PLCG1: variants seen among roughly 807,000 people sequenced by gnomAD.
The protein encoded by PLCG1 is 1-phosphatidylinositol 4,5-bisphosphate phosphodiesterase gamma-1.
In PLCG1, 71 loss-of-function variants were observed where a neutral mutation model predicts 177.8. That is an observed-to-expected ratio of 0.40 (90% confidence interval 0.33 to 0.49). PLCG1 has a LOEUF of 0.49. Among genes scored for constraint, PLCG1 ranks in the 20% least tolerant of loss-of-function variants. PLCG1 has a pLI of 0.72. For missense variants in PLCG1, 1,281 were observed against 1,709.0 expected, an observed-to-expected ratio of 0.75 and a Z score of 4.42; for synonymous variants, 658 against 647.9, an observed-to-expected ratio of 1.02 and a Z score of -0.24.
rs201989628 is a variant in PLCG1, at chr20:41,160,174, G to A, written c.512+21G>A. On this transcript the variant is annotated intron_variant, in intron 4 of 31. Transcript: ENST00000685551. The surrounding 1 kb of genome is among the most constrained non-coding windows in gnomAD (Gnocchi z 5.5). ...GATCGGTAAGTACTGAGCTGTGGCT[G>A]TAGCCCAGCAGGGTGGGGATGGGCA... The A allele has an allele frequency of 3.1e-6, 5 of 1,610,600 alleles. No individual in the cohort carries two copies. The highest frequency in any genetic ancestry group is 4.2e-6 in the Non-Finnish European group (5 of 1,176,994).
intron 6 of PLCG1, 97 bp from the exon 7 acceptor site, chr20:41,162,861 C>T (rs1475760185): frequency 7.4e-7 from 1 of 1,353,416 alleles, no homozygotes; most frequent in Non-Finnish European, 1.1e-6. Context: ...CCTCTTGAGG[C>T]CTGCCCCCAT....
rs1170749060 is a variant in PLCG1 at position 41,176,020 on chromosome 20, C to T, written c.*1511C>T. The T allele has an allele frequency of 6.6e-6, 1 of 152,200 alleles. No homozygotes were observed. The highest frequency in any genetic ancestry group is 1.5e-5 in the Non-Finnish European group (1 of 68,060). 9.4% of individuals were successfully genotyped at this position (152,200 alleles called of 1,614,324 possible). On this transcript the variant is annotated 3_prime_UTR_variant, in exon 32 of 32. Coordinates refer to ENST00000685551, the MANE Select transcript of PLCG1 (RefSeq NM_002660.3). ...CAACCAGAGCCCCTTTCCAGTTCCA[C>T]AGAAACCTCTCCTTTCAAAAATGTT...
At position 41,156,300 on chromosome 20, in the gene PLCG1, C is replaced by T. The variant is rs2035319192; in HGVS notation, c.218-3306C>T. Among the ~76,000 whole-genome samples, 1 of 152,134 alleles carries T rather than the reference C, an allele frequency of 6.6e-6. No homozygotes were observed. On this transcript the variant is annotated intron_variant, in intron 1 of 31. Transcript: ENST00000685551. This position sits in a 1 kb window ranked among gnomAD's most constrained non-coding sequence, Gnocchi z 5.0. ...GGTAATGCCCAGGCCATTCCTGAAG[C>T]CCAGGCAGCATTCACTGTGGGCTTG...
At position 41,172,668 on chromosome 20, in the gene PLCG1, G is replaced by A. The variant is rs1307497095; in HGVS notation, c.3130+23G>A. On this transcript the variant is annotated intron_variant, in intron 26 of 31. Coordinates refer to ENST00000685551, the MANE Select transcript of PLCG1 (RefSeq NM_002660.3). The surrounding 1 kb of genome is among the most constrained non-coding windows in gnomAD (Gnocchi z 7.0). Reference sequence around the variant, plus strand: ...CTGGTGAGGAAGTCCCCTGTGAGGAGGGTGAGGAGGGGCACTGTGGGGCAG... The same window carrying A: ...CTGGTGAGGAAGTCCCCTGTGAGGAAGGTGAGGAGGGGCACTGTGGGGCAG... The A allele has an allele frequency of 6.2e-7, 1 of 1,612,958 alleles. No homozygotes were observed. Among genetic ancestry groups the A allele is most frequent in the Non-Finnish European group, 8.5e-7 (1 of 1,179,132 alleles).
chr20:41,174,203 A>T lies in PLCG1; in HGVS notation c.3725A>T (p.His1242Leu). ...TCAGATGCCTCAGGCCAGCTGTTTC[A>T]TGGCCGAGCCCGGGAAGGCTCCTTT... ...RGSDASGQLF[H>L]GRAREGSFES... Residue 1242 changes from histidine (H) to leucine (L), a missense_variant, in exon 31 of 32, where the codon CAT (histidine) becomes CTT (leucine). Transcript: ENST00000685551. This position sits in a 1 kb window ranked among gnomAD's most constrained non-coding sequence, Gnocchi z 5.8. 1 of 1,614,124 alleles carries T rather than the reference A, an allele frequency of 6.2e-7. No individual in the cohort carries two copies. Among genetic ancestry groups the T allele is most frequent in the Non-Finnish European group, 8.5e-7 (1 of 1,180,004 alleles).
rs2146025294 is a variant in PLCG1 at position 41,156,511 on chromosome 20, A to G, written c.218-3095A>G. Among the ~76,000 whole-genome samples the G allele has an allele frequency of 6.6e-6, 1 of 152,216 alleles. No homozygotes were observed. Among genetic ancestry groups the G allele is most frequent in the South Asian group, 2.1e-4 (1 of 4,830 alleles). On this transcript the variant is annotated intron_variant, in intron 1 of 31. Coordinates refer to ENST00000685551, the MANE Select transcript of PLCG1 (RefSeq NM_002660.3). This position sits in a 1 kb window ranked among gnomAD's most constrained non-coding sequence, Gnocchi z 5.0. ...CTATACATCAGGCTTCTGGGCTGCT[A>G]CTTGTGGGATCCTGCCCTTGTTCTC...
At position 41,170,138 on chromosome 20, in the gene PLCG1, C is replaced by T. The variant is rs2035845945; in HGVS notation, c.2677C>T (p.Arg893Trp). The T allele has an allele frequency of 4.3e-6, 7 of 1,613,386 alleles. No individual in the cohort carries two copies. The highest frequency in any genetic ancestry group is 2.2e-5 in the East Asian group (1 of 44,894). ...CATCCGTCCTGAGGGCAAGAACAAC[C>T]GGCTCTTCGTCTTCTCCATCAGCAT... is the stretch of plus-strand genomic sequence containing the variant. ...IAIRPEGKNN[R>W]LFVFSISMAS... is the part of the protein sequence containing the mutation. The change falls in exon 24 of 32, where the codon CGG becomes TGG. Residue 893 changes from arginine (R) to tryptophan (W), a missense_variant. Arg to Trp is a moderately radical substitution (Grantham distance 101). Around this residue, in one of 4 missense-constraint regions of PLCG1, gnomAD observed 723 missense variants for 1,030.0 expected, o/e 0.70. Transcript: ENST00000685551.
chr20:41,163,843 G>T lies in PLCG1; in HGVS notation c.1010+10G>T. The T allele has an allele frequency of 6.2e-7, 1 of 1,609,760 alleles. No individual in the cohort carries two copies. The highest frequency in any genetic ancestry group is 8.5e-7 in the Non-Finnish European group (1 of 1,176,046). Reference sequence around the variant, plus strand: ...CCTCCTCGCACAACACGTGAGTGTGGCTCCTTCAGGCCCACCCAGCTTCTT... The same window carrying T: ...CCTCCTCGCACAACACGTGAGTGTGTCTCCTTCAGGCCCACCCAGCTTCTT... On this transcript the variant is annotated intron_variant, in intron 10 of 31. Coordinates refer to ENST00000685551, the MANE Select transcript of PLCG1 (RefSeq NM_002660.3). This position sits in a 1 kb window ranked among gnomAD's most constrained non-coding sequence, Gnocchi z 5.2.
chr20:41,138,714 G>A (rs1274672876), intron 1 of PLCG1, among the ~76,000 whole-genome samples: 1 of 152,110 alleles, frequency 6.6e-6, no homozygotes, highest in African/African-American at 2.4e-5. Context: ...TCAGGGAGCG[G>A]GAGCGGCTTC....
At chr20:41,149,819 A>G (rs2035110055) in intron 1 of PLCG1, among the ~76,000 whole-genome samples, 1 of 152,164 alleles carries the variant, frequency 6.6e-6, no homozygotes, top group Non-Finnish European at 1.5e-5. Flanking sequence ...TGCAGGAGAA[A>G]TCAAGGGCAG....
rs779760622 is a variant in PLCG1 at position 41,167,956 on chromosome 20, A to G, written c.2379+27A>G. 3.0e-5 allele frequency: 46 copies of G among 1,536,280 alleles called. No homozygotes were observed. Among genetic ancestry groups the G allele is most frequent in the Non-Finnish European group, 4.1e-5 (45 of 1,109,876 alleles). ...TACAGCTCAGGCCTCTGGGCATAGG[A>G]AGCTGGGGAGGGTCCCCAGCTGCTT... On this transcript the variant is annotated intron_variant, in intron 20 of 31. Transcript: ENST00000685551. This position sits in a 1 kb window ranked among gnomAD's most constrained non-coding sequence, Gnocchi z 4.4.
In PLCG1 at chr20:41,166,792, C is replaced by T. The variant is rs761980051; in HGVS notation, c.2234C>T (p.Pro745Leu). 17 of 1,613,984 alleles carry T rather than the reference C, an allele frequency of 1.1e-5. No individual in the cohort carries two copies. Among genetic ancestry groups the T allele is most frequent in the African/African-American group, 2.7e-5 (2 of 74,906 alleles). ...VDLISYYEKH[P>L]LYRKMKLRYP... ...CTCATCAGCTACTATGAGAAACACC[C>T]GCTATACCGCAAGATGAAGCTGCGC... is the stretch of plus-strand genomic sequence containing the variant. The change falls in exon 19 of 32, where the codon CCG becomes CTG. Residue 745 changes from proline (P) to leucine (L), a missense_variant. Physicochemically the swap from Pro to Leu is moderately conservative, Grantham distance 98. This residue lies in a region of PLCG1 where 723 missense variants were observed against 1,030.0 expected (regional missense o/e 0.70). Coordinates refer to ENST00000685551, the MANE Select transcript of PLCG1 (RefSeq NM_002660.3). This position sits in a 1 kb window ranked among gnomAD's most constrained non-coding sequence, Gnocchi z 8.6.
rs779311975 is a variant in PLCG1, at chr20:41,159,849, C to T, written c.371-21C>T. ...TGGGAGGTATGTGCCCTCGGGGCAG[C>T]TATTGATACCTTGCTCACAGCCACA... On this transcript the variant is annotated intron_variant, in intron 2 of 31. Coordinates refer to ENST00000685551, the MANE Select transcript of PLCG1 (RefSeq NM_002660.3). This position sits in a 1 kb window ranked among gnomAD's most constrained non-coding sequence, Gnocchi z 6.0. 17 of 1,612,704 alleles carry T rather than the reference C, an allele frequency of 1.1e-5. No homozygotes were observed. Among genetic ancestry groups the T allele is most frequent in the Middle Eastern group, 1.6e-4 (1 of 6,082 alleles).
rs143589555 is a variant in PLCG1 at position 41,173,397 on chromosome 20, G to C, written c.3280-23G>C. ...GGAGGGAGCAGGAAGGACAATCCCA[G>C]GCCCTTCTTTGTCTGCCTACAGGTG... On this transcript the variant is annotated intron_variant, in intron 27 of 31. Transcript: ENST00000685551. This position sits in a 1 kb window ranked among gnomAD's most constrained non-coding sequence, Gnocchi z 6.2. 183 of 1,555,670 alleles carry C rather than the reference G, an allele frequency of 1.2e-4. 1 individual carries two copies. The East Asian group carries it at 4.2e-3, about 35-fold the overall frequency.
In PLCG1 at chr20:41,151,715, A is replaced by T. The variant is rs6016519; in HGVS notation, c.218-7891A>T. ...CACCCTTTCCACAGGCTTTGGGCAT[A>T]TGCAGCCAGCTTGGAAATGCTGACC... On this transcript the variant is annotated intron_variant, in intron 1 of 31. Transcript: ENST00000685551. The surrounding 1 kb of genome is among the most constrained non-coding windows in gnomAD (Gnocchi z 5.5). Among the ~76,000 whole-genome samples, 1,185 of 152,320 alleles carry T rather than the reference A, an allele frequency of 7.8e-3. 11 individuals carry two copies. Among genetic ancestry groups the T allele is most frequent in the African/African-American group, 0.027 (1,122 of 41,566 alleles).
rs1291891343 is a variant in PLCG1 at position 41,157,711 on chromosome 20, A to G, written c.218-1895A>G. On this transcript the variant is annotated intron_variant, in intron 1 of 31. Transcript: ENST00000685551. This position sits in a 1 kb window ranked among gnomAD's most constrained non-coding sequence, Gnocchi z 5.4. ...GGGAGCCGGGGAGGTGGACATTTCCAGACTAGGAATCAAGATGAAATAGGG... is the reference window on the plus strand; with the variant it reads ...GGGAGCCGGGGAGGTGGACATTTCCGGACTAGGAATCAAGATGAAATAGGG... Among the ~76,000 whole-genome samples the G allele has an allele frequency of 6.6e-6, 1 of 152,190 alleles. No individual in the cohort carries two copies. Among genetic ancestry groups the G allele is most frequent in the Non-Finnish European group, 1.5e-5 (1 of 68,042 alleles).
rs537046055 is a variant in PLCG1 at position 41,148,309 on chromosome 20, A to G, written c.217+10451A>G. Reference sequence around the variant, plus strand: ...GGGAGTGGCAGAGGGGAAGGCCTCTATTCTCCCTTTCCCACTTGTCTCCCT... The same window carrying G: ...GGGAGTGGCAGAGGGGAAGGCCTCTGTTCTCCCTTTCCCACTTGTCTCCCT... On this transcript the variant is annotated intron_variant, in intron 1 of 31. Coordinates refer to ENST00000685551, the MANE Select transcript of PLCG1 (RefSeq NM_002660.3). This position sits in a 1 kb window ranked among gnomAD's most constrained non-coding sequence, Gnocchi z 4.3. Among the ~76,000 whole-genome samples, 85 of 152,172 alleles carry G rather than the reference A, an allele frequency of 5.6e-4. No individual in the cohort carries two copies. The highest frequency in any genetic ancestry group is 2.0e-3 in the African/African-American group (83 of 41,524).
At position 41,146,400 on chromosome 20, in the gene PLCG1, G is replaced by A. The variant is rs1196056036; in HGVS notation, c.217+8542G>A. Among the ~76,000 whole-genome samples the A allele has an allele frequency of 3.3e-5, 5 of 152,188 alleles. No individual in the cohort carries two copies. The East Asian group carries it at 9.6e-4, about 29-fold the overall frequency. On this transcript the variant is annotated intron_variant, in intron 1 of 31. Coordinates refer to ENST00000685551, the MANE Select transcript of PLCG1 (RefSeq NM_002660.3). This position sits in a 1 kb window ranked among gnomAD's most constrained non-coding sequence, Gnocchi z 6.3. Reference sequence around the variant, plus strand: ...TGTAGCAGCCCATCCTACCCCCTGGGGTCCCTCCACCTGCCAGCTGGCACA... The same window carrying A: ...TGTAGCAGCCCATCCTACCCCCTGGAGTCCCTCCACCTGCCAGCTGGCACA...
In PLCG1 at chr20:41,166,071, TCAGGAGA is replaced by T; in HGVS notation, c.1800-122_1800-116del. On this transcript the variant is annotated intron_variant, in intron 16 of 31. Transcript: ENST00000685551. The surrounding 1 kb of genome is among the most constrained non-coding windows in gnomAD (Gnocchi z 8.6). ...ATGTGACTGCCCACACCTGAGCTCC[TCAGGAGA>T]TTGGCCTCCCTCCTTGAGGCTCCCT... 3 of 757,268 alleles carry T rather than the reference TCAGGAGA, an allele frequency of 4.0e-6. No individual in the cohort carries two copies. The highest frequency in any genetic ancestry group is 6.1e-6 in the Non-Finnish European group (3 of 490,550). The allele number at this position is 757,268 out of a possible 1,614,324, so 46.9% of individuals were successfully genotyped here.
Sources: allele counts gnomAD v4.1 joint callset (sites outside exome capture counted in the v4.1 genomes callset), GRCh38; gene constraint gnomAD v4.1.1; regional missense constraint gnomAD v4.1.1; non-coding constraint Gnocchi (gnomAD v3.1); transcripts MANE v1.5; gene names NCBI Gene and HGNC (gene_info 2026-07-23, HGNC 2026-07-21).